The following ZHX3 variants were observed in gnomAD, a reference collection of about 807,000 sequenced individuals.
The protein encoded by ZHX3 is zinc fingers and homeoboxes protein 3.
A neutral mutation model predicts 64.5 loss-of-function variants in ZHX3; 20 were observed. The ratio of observed to expected loss-of-function variants is 0.31; its 90% CI spans 0.22 to 0.45. The LOEUF (loss-of-function observed/expected upper bound fraction) is 0.45, where lower values mean the gene tolerates loss of function less well. ZHX3 is among the 20% of genes least tolerant of loss of function. The pLI is 1.00. For missense variants in ZHX3, 1,041 were observed against 1,195.8 expected (o/e 0.87, Z 1.91); for synonymous variants, 423 against 461.6 (o/e 0.92, Z 1.07).
At position 41,185,332 on chromosome 20, in the gene ZHX3, G is replaced by C; in HGVS notation, c.2861-131C>G. On this transcript the variant is annotated intron_variant, in intron 3 of 3. Transcript: ENST00000683867. The surrounding 1 kb of genome is among the most constrained non-coding windows in gnomAD (Gnocchi z 5.0). Reference sequence around the variant, plus strand: ...CTCTTAATTCCATGAGCAATGAATGGCCTTCTGCCACCCACTCCCCCACCC... The same window carrying C: ...CTCTTAATTCCATGAGCAATGAATGCCCTTCTGCCACCCACTCCCCCACCC... 9.0e-7 allele frequency: 1 copy of C among 1,111,228 alleles called. No homozygotes were observed. The highest frequency in any genetic ancestry group is 1.3e-6 in the Non-Finnish European group (1 of 784,916). 68.8% of individuals were successfully genotyped at this position (1,111,228 alleles called of 1,614,324 possible). A position where few individuals can be genotyped will look rare whatever the true frequency, so the allele number is the denominator to read the frequency against.
In ZHX3 at chr20:41,184,354, C is replaced by G. The variant is rs1044239527; in HGVS notation, c.*837G>C. ...CTAGATTAAAAAAAAAATGCAGGCA[C>G]ATAGGTCAGCACATTAGGCTTAACA... On this transcript the variant is annotated 3_prime_UTR_variant, in exon 4 of 4. Coordinates refer to ENST00000683867, the MANE Select transcript of ZHX3 (RefSeq NM_001384317.1). The G allele has an allele frequency of 1.9e-4, 29 of 151,882 alleles. No homozygotes were observed. Among genetic ancestry groups the G allele is most frequent in the Admixed American group, 1.9e-3 (29 of 15,220 alleles). 9.4% of individuals were successfully genotyped at this position (151,882 alleles called of 1,614,324 possible). A position where few individuals can be genotyped will look rare whatever the true frequency, so the allele number is the denominator to read the frequency against.
rs146895055 is a variant in ZHX3 at position 41,281,589 on chromosome 20, T to C, written c.-244-12506A>G. Among the ~76,000 whole-genome samples, 55 of 152,334 alleles carry C rather than the reference T, an allele frequency of 3.6e-4. 2 individuals are homozygous for C. The Middle Eastern group carries it at 0.014, about 38-fold the overall frequency. On this transcript the variant is annotated intron_variant, in intron 1 of 3. Coordinates refer to ENST00000683867, the MANE Select transcript of ZHX3 (RefSeq NM_001384317.1). ...AAGAGTAGCAGACATAAAATCTTTC[T>C]TACTTGCGGAAGAACCATAGATGGT...
intron 1 of ZHX3, among the ~76,000 whole-genome samples, chr20:41,281,969 T>C (rs572442904): frequency 1.3e-5 from 2 of 152,258 alleles, no homozygotes; most frequent in African/African-American, 4.8e-5. Flanking sequence ...ATTAGGGTGC[T>C]GGCAGGGAAG....
In ZHX3 at chr20:41,202,973, T is replaced by C. The variant is rs2038371225; in HGVS notation, c.1944A>G (p.Glu648=). ...LDEELDRLRS[E]TKMTRREIDS... ...CAATTTCTCGTCGGGTCATTTTGGT[T>C]TCACTTCTCAGGCGGTCCAGTTCCT... Residue 648 remains glutamate (E), a synonymous_variant, in exon 3 of 4, where the codon GAA becomes GAG. Coordinates refer to ENST00000683867, the MANE Select transcript of ZHX3 (RefSeq NM_001384317.1). The surrounding 1 kb of genome is among the most constrained non-coding windows in gnomAD (Gnocchi z 7.0). 6.2e-7 allele frequency: 1 copy of C among 1,614,132 alleles called. No individual in the cohort carries two copies. Among genetic ancestry groups the C allele is most frequent in the Non-Finnish European group, 8.5e-7 (1 of 1,180,026 alleles).
At chr20:41,285,124 C>G (rs990243158) in intron 1 of ZHX3, among the ~76,000 whole-genome samples, 10 of 151,994 alleles carry the variant, frequency 6.6e-5, no homozygotes, top group Non-Finnish European at 1.3e-4. Context: ...TCTGTTTTAT[C>G]CCTCTCATGG....
Position 41,224,545 on chromosome 20 carries a change from A to G in ZHX3, c.-150-19479T>C, listed in dbSNP as rs11697644. On this transcript the variant is annotated intron_variant, in intron 2 of 3. Transcript: ENST00000683867. This position sits in a 1 kb window ranked among gnomAD's most constrained non-coding sequence, Gnocchi z 5.2. ...ATGGAAGCTGTGTTTTCATCATCCT[A>G]TTACCATGACTAATACAACCAAAAA... Among the ~76,000 whole-genome samples the G allele has an allele frequency of 0.016, 2,504 of 152,286 alleles. 36 individuals carry two copies. The highest frequency in any genetic ancestry group is 0.025 in the Non-Finnish European group (1,721 of 68,016).
At position 41,184,959 on chromosome 20, in the gene ZHX3, T is replaced by C. The variant is rs1015359240; in HGVS notation, c.*232A>G. 65 of 1,546,894 alleles carry C rather than the reference T, an allele frequency of 4.2e-5. No homozygotes were observed. Among genetic ancestry groups the C allele is most frequent in the Non-Finnish European group, 5.5e-5 (63 of 1,146,984 alleles). On this transcript the variant is annotated 3_prime_UTR_variant, in exon 4 of 4. Coordinates refer to ENST00000683867, the MANE Select transcript of ZHX3 (RefSeq NM_001384317.1). ...TGGAAGGTAAAGGAAAGGTCCTACA[T>C]TGTGGGAGGAAGAACTGATGAGAAC...
At position 41,299,761 on chromosome 20, in the gene ZHX3, C is replaced by T. The variant is rs570964583; in HGVS notation, c.-245+17748G>A. On this transcript the variant is annotated intron_variant, in intron 1 of 3. Coordinates refer to ENST00000683867, the MANE Select transcript of ZHX3 (RefSeq NM_001384317.1). ...CCTGTATTCCCAGTTACTCAGGAGG[C>T]TGAGGCAGGAGAATCGCTTGAACCT... 4.6e-5 allele frequency among the ~76,000 whole-genome samples: 7 copies of T among 150,590 alleles called. No individual in the cohort carries two copies. In the East Asian group the frequency reaches 1.2e-3, roughly 25 times the overall value.
chr20:41,301,677 C>T (rs1447414420), intron 1 of ZHX3, among the ~76,000 whole-genome samples: 1 of 152,124 alleles, frequency 6.6e-6, no homozygotes, highest in Non-Finnish European at 1.5e-5. Flanking sequence ...GAGCTCCCTC[C>T]ACCATTTTGT....
intron 1 of ZHX3, among the ~76,000 whole-genome samples, chr20:41,315,070 C>T (rs977818771): frequency 2.6e-5 from 4 of 152,176 alleles, no homozygotes; most frequent in Non-Finnish European, 5.9e-5. Context: ...CAAGCAAAGC[C>T]AGACAACCTA....
At chr20:41,198,346 A>G (rs1268982430) in intron 3 of ZHX3, among the ~76,000 whole-genome samples, 2 of 152,092 alleles carry the variant, frequency 1.3e-5, no homozygotes, top group East Asian at 1.9e-4. Context: ...TCATTTCAGC[A>G]TGAAGGACTC....
chr20:41,296,820 G>A (rs2044554023), intron 1 of ZHX3, among the ~76,000 whole-genome samples: 1 of 152,192 alleles, frequency 6.6e-6, no homozygotes, highest in African/African-American at 2.4e-5. Flanking sequence ...TTCTACTTGT[G>A]GCGTATGCAT....
At chr20:41,269,456 T>C (rs2043019679) in intron 1 of ZHX3, 1 of 152,226 alleles carries the variant, frequency 6.6e-6, no homozygotes, top group African/African-American at 2.4e-5. Context: ...TTTCTGATGT[T>C]CTTCCATTCG....
intron 1 of ZHX3, among the ~76,000 whole-genome samples, chr20:41,310,438 TC>T (rs999324747): frequency 6.6e-6 from 1 of 152,180 alleles, no homozygotes; most frequent in African/African-American, 2.4e-5. Context: ...TCATAAGGCA[TC>T]CCACCAGAAA....
At position 41,232,228 on chromosome 20, in the gene ZHX3, T is replaced by G. The variant is rs2040654414; in HGVS notation, c.-150-27162A>C. Among the ~76,000 whole-genome samples, 1 of 151,688 alleles carries G rather than the reference T, an allele frequency of 6.6e-6. No individual in the cohort carries two copies. Among genetic ancestry groups the G allele is most frequent in the African/African-American group, 2.4e-5 (1 of 41,220 alleles). On this transcript the variant is annotated intron_variant, in intron 2 of 3. Coordinates refer to ENST00000683867, the MANE Select transcript of ZHX3 (RefSeq NM_001384317.1). The surrounding 1 kb of genome is among the most constrained non-coding windows in gnomAD (Gnocchi z 5.0). Reference sequence around the variant, plus strand: ...ATCATTGTTATTACACAGAGAATGATGACCAGATGGTCTCCATTTTCACCA... The same window carrying G: ...ATCATTGTTATTACACAGAGAATGAGGACCAGATGGTCTCCATTTTCACCA...
chr20:41,198,653 TATAAC>T (rs1249942877), intron 3 of ZHX3, among the ~76,000 whole-genome samples: 2 of 152,150 alleles, frequency 1.3e-5, no homozygotes, highest in Non-Finnish European at 2.9e-5. Flanking sequence ...ACAATCCTAA[TATAAC>T]ATGTCTTGGT....
At chr20:41,265,899 G>C (rs1237368943) in intron 2 of ZHX3, among the ~76,000 whole-genome samples, 1 of 152,190 alleles carries the variant, frequency 6.6e-6, no homozygotes, top group Non-Finnish European at 1.5e-5. Context: ...AATGTCTCTA[G>C]TCCACTGCAG....
At chr20:41,263,126 T>C (rs2042642667) in intron 2 of ZHX3, among the ~76,000 whole-genome samples, 1 of 151,966 alleles carries the variant, frequency 6.6e-6, no homozygotes, top group African/African-American at 2.4e-5. Context: ...ACAATAGCAA[T>C]AATAAATTAA....
At chr20:41,192,401 C>A (rs2037101376) in intron 3 of ZHX3, among the ~76,000 whole-genome samples, 1 of 152,176 alleles carries the variant, frequency 6.6e-6, no homozygotes, top group Admixed American at 6.5e-5. Flanking sequence ...CAGGGCAATC[C>A]CTAGGCCACC....
Sources: gnomAD v4.1 joint callset for allele counts (sites outside exome capture counted in the v4.1 genomes callset) on GRCh38, gnomAD v4.1.1 for gene constraint, Gnocchi (gnomAD v3.1) non-coding constraint, MANE v1.5 for transcripts, NCBI Gene and HGNC (gene_info 2026-07-23, HGNC 2026-07-21) for gene names.